WDR31: variants seen among roughly 807,000 people sequenced by gnomAD.
WDR31 encodes WD repeat domain 31, also known as WD repeat-containing protein 31.
WDR31 carries 30 observed loss-of-function variants against 47.3 expected under a neutral mutation model. The observed-to-expected ratio is 0.63, with a 90% confidence interval of 0.47 to 0.86. The LOEUF (loss-of-function observed/expected upper bound fraction) is 0.86. WDR31 is among the 40% of genes least tolerant of loss of function. The pLI is 0.00. For synonymous variants in WDR31, 137 were observed against 159.4 expected (o/e 0.86, Z 1.06); for missense variants, 406 against 442.9 (o/e 0.92, Z 0.75).
At position 113,316,917 on chromosome 9, in the gene WDR31, G is replaced by A. The variant is rs1375362462; in HGVS notation, c.944-8C>T. On this transcript the variant is annotated splice_polypyrimidine_tract_variant and splice_region_variant and intron_variant, in intron 10 of 10. Transcript: ENST00000374193. ...ACAAGGTGAAAAGGCAGGCTGGGGG[G>A]GAAAGGGGGACCAGCAGATTAGGCC... 2.5e-6 allele frequency: 4 copies of A among 1,612,514 alleles called. 1 individual carries two copies. In the South Asian group the frequency reaches 4.4e-5, roughly 18 times the overall value.
intron 4 of WDR31, among the ~76,000 whole-genome samples, chr9:113,330,750 G>A (rs1833577744): frequency 6.6e-6 from 1 of 152,052 alleles, no homozygotes; most frequent in African/African-American, 2.4e-5. Context: ...CCTGTGAGGT[G>A]GCATTATTAT....
intron 4 of WDR31, among the ~76,000 whole-genome samples, chr9:113,330,543 G>A (rs1833573868): frequency 6.6e-6 from 1 of 152,228 alleles, no homozygotes; most frequent in Non-Finnish European, 1.5e-5. Flanking sequence ...GAGGAATCAT[G>A]ATGCATACCA....
At chr9:113,336,969 A>G (rs567954278) in intron 1 of WDR31, among the ~76,000 whole-genome samples, 131 of 152,378 alleles carry the variant, frequency 8.6e-4, no homozygotes, top group South Asian at 2.1e-3. Context: ...CAGAATTTCC[A>G]TTATAAATGT....
intron 9 of WDR31, among the ~76,000 whole-genome samples, chr9:113,319,475 C>T (rs1453692845): frequency 6.6e-6 from 1 of 152,102 alleles, no homozygotes; most frequent in African/African-American, 2.4e-5. Flanking sequence ...TAGTACCTAA[C>T]TCATGGGGTT....
In WDR31 at chr9:113,315,160, G is replaced by A. The variant is rs1833162785; in HGVS notation, c.*1589C>T. The A allele has an allele frequency of 6.6e-6, 1 of 151,982 alleles. No homozygotes were observed. The highest frequency in any genetic ancestry group is 1.5e-5 in the Non-Finnish European group (1 of 68,018). The allele number at this position is 151,982 out of a possible 1,614,324, so 9.4% of individuals were successfully genotyped here. A position where few individuals can be genotyped will look rare whatever the true frequency, so the allele number is the denominator to read the frequency against. On this transcript the variant is annotated 3_prime_UTR_variant, in exon 11 of 11. Transcript: ENST00000374193. The stretch of plus-strand genomic sequence containing the variant: ...CTCAACACTTAAGGAGGCCGAGGCA[G>A]ATGGATCACTTGAGCCCAGGAGTTT...
chr9:113,328,021 A>G (rs1833515508), intron 5 of WDR31, among the ~76,000 whole-genome samples: 1 of 152,192 alleles, frequency 6.6e-6, no homozygotes, highest in African/African-American at 2.4e-5. Context: ...ATGAGCCACC[A>G]TGCCTGGCCA....
At chr9:113,333,370 ATTTTTTTT>A (rs60772699) in intron 2 of WDR31, among the ~76,000 whole-genome samples, 1 of 102,930 alleles carries the variant, frequency 9.7e-6, no homozygotes, top group Admixed American at 1.1e-4. Context: ...TGGTTGTTGG[ATTTTTTTT>A]TTTTTTTTTT....
rs370255023 is a variant in WDR31 at position 113,332,046 on chromosome 9, G to A, written c.-24C>T. ...ATCCCTTGTGGCTGCTGGAAGTTGT[G>A]TTCCCTGTTTAATAAAAAGAAGAAT... On this transcript the variant is annotated 5_prime_UTR_variant, in exon 3 of 11. Coordinates refer to ENST00000374193, the MANE Select transcript of WDR31 (RefSeq NM_001012361.4). The A allele has an allele frequency of 4.0e-5, 64 of 1,598,628 alleles. 1 individual carries two copies. In the African/African-American group the frequency reaches 8.2e-4, roughly 20 times the overall value.
At chr9:113,336,058 T>C (rs566402797) in intron 2 of WDR31, among the ~76,000 whole-genome samples, 1 of 152,340 alleles carries the variant, frequency 6.6e-6, no homozygotes, top group South Asian at 2.1e-4. Flanking sequence ...TGGTATTGTT[T>C]ACAGATAGAG....
In WDR31 at chr9:113,316,533, G is replaced by A. The variant is rs1465997816; in HGVS notation, c.*216C>T. On this transcript the variant is annotated 3_prime_UTR_variant, in exon 11 of 11. Coordinates refer to ENST00000374193, the MANE Select transcript of WDR31 (RefSeq NM_001012361.4). ...TGCATTTGTATTTAACTTAAATAGA[G>A]AACCTTATGTGTAGTCCATGTTTCT... 4 of 496,646 alleles carry A rather than the reference G, an allele frequency of 8.1e-6. No homozygotes were observed. The highest frequency in any genetic ancestry group is 7.6e-5 in the African/African-American group (4 of 52,612). 30.8% of individuals were successfully genotyped at this position (496,646 alleles called of 1,614,324 possible). A position where few individuals can be genotyped will look rare whatever the true frequency, so the allele number is the denominator to read the frequency against.
In WDR31 at chr9:113,320,468, A is replaced by C; in HGVS notation, c.669T>G (p.Ala223=). ...RLWDSRGLQV[A]HMFPAKQHIQ... is the part of the protein sequence containing the mutation. ...TGTGCTGCTTTGCAGGAAACATATG[A>C]GCTACCTGCAGCCCCCGACTGTCCC... Residue 223 remains alanine (A), a synonymous_variant, in exon 9 of 11, where the codon GCT becomes GCG. Coordinates refer to ENST00000374193, the MANE Select transcript of WDR31 (RefSeq NM_001012361.4). 3 of 1,614,184 alleles carry C rather than the reference A, an allele frequency of 1.9e-6. No individual in the cohort carries two copies. Among genetic ancestry groups the C allele is most frequent in the Non-Finnish European group, 2.5e-6 (3 of 1,180,018 alleles).
chr9:113,322,661 G>C, intron 7 of WDR31, 150 bp downstream of exon 7: 1 of 646,330 alleles, frequency 1.5e-6, no homozygotes, highest in Non-Finnish European at 2.7e-6. Context: ...ATAACCCTGA[G>C]AGGCCAGGGT....
intron 5 of WDR31, among the ~76,000 whole-genome samples, chr9:113,326,763 C>T (rs1335506062): frequency 6.6e-6 from 1 of 151,506 alleles, no homozygotes; most frequent in Non-Finnish European, 1.5e-5. Flanking sequence ...AATGAGCTAC[C>T]CTGCCTGGCC....
At position 113,321,454 on chromosome 9, in the gene WDR31, T is replaced by C. The variant is rs1321446499; in HGVS notation, c.638+57A>G. On this transcript the variant is annotated intron_variant, in intron 8 of 10. Coordinates refer to ENST00000374193, the MANE Select transcript of WDR31 (RefSeq NM_001012361.4). ...ATCAGAGTGGGAATGGAGCCATGTA[T>C]GCATGGGAGCCACAAACCTCACAAG... is the stretch of plus-strand genomic sequence containing the variant. The C allele has an allele frequency of 7.1e-6, 11 of 1,548,898 alleles. No homozygotes were observed. The Admixed American group carries it at 1.0e-4, about 14-fold the overall frequency.
rs1833119266 is a variant in WDR31 at position 113,313,417 on chromosome 9, T to C, written c.*3332A>G. 1 of 152,252 alleles carries C rather than the reference T, an allele frequency of 6.6e-6. No homozygotes were observed. The highest frequency in any genetic ancestry group is 1.5e-5 in the Non-Finnish European group (1 of 68,056). The allele number at this position is 152,252 out of a possible 1,614,324, so 9.4% of individuals were successfully genotyped here. On this transcript the variant is annotated 3_prime_UTR_variant, in exon 11 of 11. Coordinates refer to ENST00000374193, the MANE Select transcript of WDR31 (RefSeq NM_001012361.4). ...GAAAAAGTGTCAGCTGCTGCACTAA[T>C]AATCCAGCACATGCTACGACTGTCC...
intron 7 of WDR31, among the ~76,000 whole-genome samples, chr9:113,321,853 G>A (rs568421332): frequency 3.9e-5 from 6 of 152,288 alleles, no homozygotes; most frequent in Admixed American, 1.3e-4. Flanking sequence ...CTGTGTGGCA[G>A]ATAGAACAGC....
chr9:113,329,819 A>T (rs1833555202), intron 4 of WDR31, among the ~76,000 whole-genome samples: 1 of 149,264 alleles, frequency 6.7e-6, no homozygotes, highest in African/African-American at 2.5e-5. Flanking sequence ...ACTAAAAAAA[A>T]TAAAATACAA....
At position 113,320,363 on chromosome 9, in the gene WDR31, T is replaced by A. The variant is rs199725840; in HGVS notation, c.774A>T (p.Glu258Asp). 160 of 1,614,200 alleles carry A rather than the reference T, an allele frequency of 9.9e-5. 1 individual carries two copies. The East Asian group carries it at 3.5e-3, about 36-fold the overall frequency. Residue 258 changes from glutamate to aspartate, a missense_variant, in exon 9 of 11, where the codon GAA becomes GAT. Physicochemically the swap from Glu to Asp is conservative, Grantham distance 45. Coordinates refer to ENST00000374193, the MANE Select transcript of WDR31 (RefSeq NM_001012361.4). Reference protein sequence around the residue: ...CSNGFGGEGCEATLWDLRQTR... With the variant: ...CSNGFGGEGCDATLWDLRQTR... Reference sequence around the variant, plus strand: ...ACCTCACACAGTCTCCTACCGTGGCTTCACAGCCTTCTCCTCCAAAGCCAT... The same window carrying A: ...ACCTCACACAGTCTCCTACCGTGGCATCACAGCCTTCTCCTCCAAAGCCAT...
chr9:113,337,187 C>G (rs1022754305), intron 1 of WDR31, among the ~76,000 whole-genome samples: 1 of 151,684 alleles, frequency 6.6e-6, no homozygotes, highest in Non-Finnish European at 1.5e-5. Flanking sequence ...GGGCAAGTTG[C>G]TGAACCTCTC....
Sources: gnomAD v4.1 joint callset for allele counts (sites outside exome capture counted in the v4.1 genomes callset) on GRCh38, gnomAD v4.1.1 for gene constraint, MANE v1.5 for transcripts, NCBI Gene and HGNC (gene_info 2026-07-23, HGNC 2026-07-21) for gene names.